PALM2AKAP2: variants seen among roughly 807,000 people sequenced by gnomAD.
The protein encoded by PALM2AKAP2 is PALM2 and AKAP2 fusion.
PALM2AKAP2 carries 37 observed loss-of-function variants against 71.5 expected under a neutral mutation model. The observed-to-expected ratio is 0.52, with a 90% CI of 0.40 to 0.68. The LOEUF is 0.68. Among genes scored for constraint, PALM2AKAP2 ranks in the 30% least tolerant of loss-of-function variants. PALM2AKAP2 has a pLI of 0.00. For synonymous variants in PALM2AKAP2, 468 were observed against 478.8 expected (o/e 0.98, Z 0.29); for missense variants, 1,224 against 1,191.8 (o/e 1.03, Z -0.40).
exon 2 of PALM2AKAP2, chr9:110,136,531 C>T: frequency 2.5e-6 from 4 of 1,613,466 alleles, no homozygotes; most frequent in Non-Finnish European, 3.4e-6. Context: ...ACGAGGCGAC[C>T]CAGCCAGAAC....
chr9:110,092,728 G>A (rs560685574), intron 1 of PALM2AKAP2, among the ~76,000 whole-genome samples: 1 of 152,262 alleles, frequency 6.6e-6, no homozygotes, highest in South Asian at 2.1e-4. Flanking sequence ...AAATTCAAAC[G>A]ATGTTATCCG....
chr9:110,016,156 C>T, intron 7 of PALM2AKAP2, 117 bp downstream of exon 7: 1 of 1,008,404 alleles, frequency 9.9e-7, no homozygotes, highest in Non-Finnish European at 1.5e-6. Context: ...AGAGTTCTCT[C>T]TCTACTCACT....
At chr9:109,840,426 C>T in intron 1 of PALM2AKAP2, among the ~76,000 whole-genome samples, 1 of 152,114 alleles carries the variant, frequency 6.6e-6, no homozygotes, top group Non-Finnish European at 1.5e-5. Context: ...AGAAGAAAAC[C>T]TAGGCAGTAC....
intron 6 of PALM2AKAP2, among the ~76,000 whole-genome samples, chr9:109,983,052 G>A (rs1832305745): frequency 6.6e-6 from 1 of 152,192 alleles, no homozygotes; most frequent in South Asian, 2.1e-4. Context: ...AGAACTGCAC[G>A]TAGCCTCACC....
rs572141882 is a variant in PALM2AKAP2 at position 110,165,590 on chromosome 9, G to A, written c.2749-2809G>A. 5.9e-5 allele frequency among the ~76,000 whole-genome samples: 9 copies of A among 152,220 alleles called. No homozygotes were observed. The South Asian group carries it at 1.9e-3, about 32-fold the overall frequency. On this transcript the variant is annotated intron_variant, in intron 3 of 3. Transcript: ENST00000374525. ...GTGATTGTATGACCATGGTAAATGGGCATACATACTAGGGGAATGAATTAA... is the reference window on the plus strand; with the variant it reads ...GTGATTGTATGACCATGGTAAATGGACATACATACTAGGGGAATGAATTAA...
At chr9:109,734,417 A>G (rs1025217501) in intron 1 of PALM2AKAP2, among the ~76,000 whole-genome samples, 2 of 152,224 alleles carry the variant, frequency 1.3e-5, no homozygotes. Context: ...GTCAATTTAA[A>G]TTTAAATGAA....
intron 1 of PALM2AKAP2, among the ~76,000 whole-genome samples, chr9:109,758,080 A>G (rs553500057): frequency 6.6e-6 from 1 of 152,198 alleles, no homozygotes; most frequent in South Asian, 2.1e-4. Flanking sequence ...ATACAGCCAT[A>G]CATTCTCCAA....
intron 6 of PALM2AKAP2, among the ~76,000 whole-genome samples, chr9:109,959,315 C>G (rs1427973301): frequency 1.3e-5 from 2 of 152,144 alleles, no homozygotes; most frequent in African/African-American, 4.8e-5. Flanking sequence ...CACTTAGCCT[C>G]TTTGCTCTGT....
chr9:109,785,091 G>C (rs74459006), intron 1 of PALM2AKAP2, among the ~76,000 whole-genome samples: 3,728 of 152,284 alleles, frequency 0.024, 161 homozygotes, highest in African/African-American at 0.085. Flanking sequence ...GTGAAAATAA[G>C]TAAATGTTAT....
At chr9:109,999,599 A>G (rs1328295357) in intron 6 of PALM2AKAP2, among the ~76,000 whole-genome samples, 3 of 152,148 alleles carry the variant, frequency 2.0e-5, no homozygotes, top group African/African-American at 7.2e-5. Context: ...GCCCAGAACT[A>G]ACACTTCTCA....
chr9:110,137,899 C>G, exon 2 of PALM2AKAP2: 1 of 1,614,196 alleles, frequency 6.2e-7, no homozygotes, highest in Non-Finnish European at 8.5e-7. Context: ...CCCCTTCCTC[C>G]ACGCTGGGGG....
intron 2 of PALM2AKAP2, among the ~76,000 whole-genome samples, chr9:109,874,051 G>A (rs1228148862): frequency 6.6e-6 from 1 of 152,302 alleles, no homozygotes; most frequent in South Asian, 2.1e-4. Flanking sequence ...GAAAAAGATT[G>A]GGTTAGATGA....
chr9:110,027,671 C>T (rs1278606627), intron 7 of PALM2AKAP2, among the ~76,000 whole-genome samples: 2 of 152,206 alleles, frequency 1.3e-5, no homozygotes, highest in Non-Finnish European at 2.9e-5. Context: ...GATGTTGCTT[C>T]TCTACACGTA....
intron 7 of PALM2AKAP2, chr9:110,025,264 C>G: frequency 8.7e-7 from 1 of 1,150,104 alleles, no homozygotes; most frequent in Non-Finnish European, 1.3e-6. Flanking sequence ...CTTATAGATT[C>G]GCATATACGT....
chr9:110,016,098 T>C (rs771579520), intron 7 of PALM2AKAP2, 59 bp downstream of exon 7: 202 of 1,540,858 alleles, frequency 1.3e-4, no homozygotes, highest in Non-Finnish European at 1.8e-4. Flanking sequence ...AGGCAGCCGA[T>C]GGCAGGTTTT....
In PALM2AKAP2 at chr9:109,717,593, C is replaced by A. The variant is rs112293985; in HGVS notation, c.6-62895C>A. On this transcript the variant is annotated intron_variant, in intron 1 of 6. Transcript: ENST00000374531. The stretch of plus-strand genomic sequence containing the variant: ...CATCATATAAAGATAGCACTAGACG[C>A]CATAGAAGGTCTTCTTCTTTTGAAA... 3.7e-3 allele frequency among the ~76,000 whole-genome samples: 570 copies of A among 152,316 alleles called. 1 individual carries two copies. The highest frequency in any genetic ancestry group is 0.013 in the African/African-American group (530 of 41,556).
chr9:109,789,396 A>G (rs569012133), intron 1 of PALM2AKAP2, among the ~76,000 whole-genome samples: 1 of 152,324 alleles, frequency 6.6e-6, no homozygotes, highest in East Asian at 1.9e-4. Flanking sequence ...ACTGATGTTC[A>G]TTTACTTAAT....
chr9:110,101,932 C>T (rs1403974886), intron 1 of PALM2AKAP2, among the ~76,000 whole-genome samples: 1 of 152,230 alleles, frequency 6.6e-6, no homozygotes, highest in East Asian at 1.9e-4. Context: ...CCTGCCACCA[C>T]CAATGCGTCT....
At chr9:110,088,416 G>A (rs58345049) in intron 1 of PALM2AKAP2, among the ~76,000 whole-genome samples, 43,077 of 151,952 alleles carry the variant, frequency 0.28, 7,984 homozygotes, top group African/African-American at 0.52. Flanking sequence ...TTTGGCCCAA[G>A]GCCAACCTGA....
Sources: allele counts gnomAD v4.1 joint callset (sites outside exome capture counted in the v4.1 genomes callset), GRCh38; gene constraint gnomAD v4.1.1; transcripts MANE v1.5; gene names NCBI Gene and HGNC (gene_info 2026-07-23, HGNC 2026-07-21).